Variants in COBL observed in about 807,000 individuals in gnomAD.
COBL encodes the protein protein cordon-bleu.
In COBL, 51 loss-of-function variants were observed where a neutral mutation model predicts 98.8. The ratio of observed to expected loss-of-function variants is 0.52; its 90% CI spans 0.41 to 0.65. The LOEUF (loss-of-function observed/expected upper bound fraction) is 0.65. COBL is among the 30% of genes least tolerant of loss of function. The probability of loss-of-function intolerance (pLI) is 0.00; values close to 1 mark genes in which losing one functional copy is unlikely to be tolerated. For missense variants in COBL, 1,617 were observed against 1,617.5 expected (o/e 1.00, Z 0.01); for synonymous variants, 634 against 651.7 (o/e 0.97, Z 0.41).
At chr7:51,160,344 ATTGTTATTTG>A (rs1384863917) in intron 5 of COBL, among the ~76,000 whole-genome samples, 1 of 152,192 alleles carries the variant, frequency 6.6e-6, no homozygotes, top group African/African-American at 2.4e-5. Context: ...ATAATAACAT[ATTGTTATTTG>A]TTGTTGATGA....
chr7:51,244,811 A>G lies in COBL; in HGVS notation c.42-24867T>C, dbSNP rs541458098. The stretch of plus-strand genomic sequence containing the variant: ...CAAGTCCCGGAAGACCTCGCCCAAC[A>G]TGTTCTTGTCCTGGGCTCCACCTTC... On this transcript the variant is annotated intron_variant, in intron 1 of 12. Transcript: ENST00000265136. 2.0e-5 allele frequency among the ~76,000 whole-genome samples: 3 copies of G among 152,076 alleles called. No individual in the cohort carries two copies. The South Asian group carries it at 6.2e-4, about 32-fold the overall frequency.
chr7:51,262,147 T>C (rs1007984458), intron 1 of COBL, among the ~76,000 whole-genome samples: 1 of 152,166 alleles, frequency 6.6e-6, no homozygotes, highest in Admixed American at 6.5e-5. Flanking sequence ...ACAGCAGCCC[T>C]GGCTGGCTCA....
rs368473607 is a variant in COBL, at chr7:51,029,547, A to G, written c.1549T>C (p.Ser517Pro). The change falls in exon 10 of 13, where the codon TCC becomes CCC. Residue 517 changes from serine to proline, a missense_variant. Ser to Pro is a moderately conservative substitution (Grantham distance 74). This residue lies in a region of COBL where 1,304 missense variants were observed against 1,282.0 expected (regional missense o/e 1.02). Coordinates refer to ENST00000265136, the MANE Select transcript of COBL (RefSeq NM_015198.5). ...YETDTSSLTS[S>P]IHGASNHCPQ... ...CAGTGGTTGGATGCACCATGGATGG[A>G]GCTGGTGAGGGAGCTGGTGTCTGTT... 2 of 1,610,566 alleles carry G rather than the reference A, an allele frequency of 1.2e-6. No individual in the cohort carries two copies. The highest frequency in any genetic ancestry group is 2.7e-5 in the African/African-American group (2 of 74,840).
intron 1 of COBL, among the ~76,000 whole-genome samples, chr7:51,295,296 A>AC (rs1344132508): frequency 2.0e-5 from 3 of 151,734 alleles, no homozygotes; most frequent in Admixed American, 2.0e-4. Context: ...AAAAAAAAAA[A>AC]AACAACCTAC....
At chr7:51,117,338 AAGAAAAAATAAATAAAT>A (rs1459813157) in intron 6 of COBL, among the ~76,000 whole-genome samples, 1 of 152,040 alleles carries the variant, frequency 6.6e-6, no homozygotes, top group Non-Finnish European at 1.5e-5. Context: ...CCAGAATAAA[AAGAAAAAATAAATAAAT>A]AGAAAAAATA....
At chr7:51,099,105 AAG>A (rs1254303395) in intron 6 of COBL, among the ~76,000 whole-genome samples, 1 of 152,050 alleles carries the variant, frequency 6.6e-6, no homozygotes, top group Non-Finnish European at 1.5e-5. Context: ...AAAAAAAAAA[AAG>A]AGAGAAAACA....
At chr7:51,075,998 G>T (rs1348930108) in intron 7 of COBL, among the ~76,000 whole-genome samples, 1 of 152,074 alleles carries the variant, frequency 6.6e-6, no homozygotes, top group African/African-American at 2.4e-5. Context: ...ATTTGCTCAC[G>T]ACCCACTTCC....
At chr7:51,092,661 C>T (rs1033433845) in intron 6 of COBL, among the ~76,000 whole-genome samples, 3 of 152,052 alleles carry the variant, frequency 2.0e-5, no homozygotes, top group African/African-American at 7.2e-5. Context: ...TTAGCCAGTA[C>T]CATGCTGTAG....
At chr7:51,250,544 T>G (rs1420753487) in intron 1 of COBL, among the ~76,000 whole-genome samples, 2 of 152,280 alleles carry the variant, frequency 1.3e-5, no homozygotes, top group African/African-American at 4.8e-5. Flanking sequence ...GGAGGAATTA[T>G]AAAAATACAG....
chr7:51,035,491 G>A (rs2128879336), intron 8 of COBL: 1 of 152,308 alleles, frequency 6.6e-6, no homozygotes, highest in South Asian at 2.1e-4. Context: ...CAAGAAGCCT[G>A]GGAAAATATG....
At position 51,030,935 on chromosome 7, in the gene COBL, C is replaced by G. The variant is rs776455816; in HGVS notation, c.1407-26G>C. On this transcript the variant is annotated intron_variant, in intron 8 of 12. Coordinates refer to ENST00000265136, the MANE Select transcript of COBL (RefSeq NM_015198.5). Reference sequence around the variant, plus strand: ...CTAGGGAAGACCAAAGAGAAAGGAGCACTCATTTCTCTTACTATTGATTTA... The same window carrying G: ...CTAGGGAAGACCAAAGAGAAAGGAGGACTCATTTCTCTTACTATTGATTTA... 2.9e-6 allele frequency: 4 copies of G among 1,393,216 alleles called. No homozygotes were observed. In the South Asian group the frequency reaches 4.6e-5, roughly 16 times the overall value. 86.3% of individuals were successfully genotyped at this position (1,393,216 alleles called of 1,614,324 possible).
At chr7:51,128,474 A>T (rs1390755674) in intron 6 of COBL, among the ~76,000 whole-genome samples, 1 of 152,106 alleles carries the variant, frequency 6.6e-6, no homozygotes, top group East Asian at 1.9e-4. Flanking sequence ...GAGAAAAAAA[A>T]TCTCAGATGC....
intron 6 of COBL, among the ~76,000 whole-genome samples, chr7:51,085,513 G>C (rs1271970703): frequency 6.6e-6 from 1 of 152,206 alleles, no homozygotes; most frequent in Non-Finnish European, 1.5e-5. Context: ...TGTCCAAGGA[G>C]TGGCCTGGAG....
intron 5 of COBL, among the ~76,000 whole-genome samples, chr7:51,140,599 C>A (rs536300325): frequency 1.2e-4 from 18 of 152,158 alleles, no homozygotes; most frequent in Non-Finnish European, 2.1e-4. Context: ...AAAATGTACT[C>A]ATCTCAGCAA....
intron 4 of COBL, among the ~76,000 whole-genome samples, chr7:51,185,324 C>A (rs1194347183): frequency 6.6e-6 from 1 of 152,218 alleles, no homozygotes; most frequent in African/African-American, 2.4e-5. Context: ...GTCAAACTAG[C>A]CCCTAAGGAG....
At chr7:51,147,848 T>C (rs1271616294) in intron 5 of COBL, among the ~76,000 whole-genome samples, 1 of 151,918 alleles carries the variant, frequency 6.6e-6, no homozygotes, top group African/African-American at 2.4e-5. Context: ...CCTCCCAGGT[T>C]CACACTAGTC....
At chr7:51,231,075 A>T (rs1317780064) in intron 1 of COBL, among the ~76,000 whole-genome samples, 1 of 152,206 alleles carries the variant, frequency 6.6e-6, no homozygotes, top group African/African-American at 2.4e-5. Context: ...AACTAACACA[A>T]TGTATTTAAC....
At chr7:51,089,055 G>C (rs1447941003) in intron 6 of COBL, among the ~76,000 whole-genome samples, 2 of 152,148 alleles carry the variant, frequency 1.3e-5, no homozygotes, top group African/African-American at 2.4e-5. Flanking sequence ...TCACATGCAG[G>C]CATTCAGCCA....
rs549018165 is a variant in COBL, at chr7:51,167,009, G to A, written c.783+17093C>T. On this transcript the variant is annotated intron_variant, in intron 5 of 12. Transcript: ENST00000265136. ...CACAGCTAGTATCTTACTGAATGGAGAAAAACTGAAAGCCTTTCCCCTAAG... is the reference window on the plus strand; with the variant it reads ...CACAGCTAGTATCTTACTGAATGGAAAAAAACTGAAAGCCTTTCCCCTAAG... Among the ~76,000 whole-genome samples, 30 of 152,204 alleles carry A rather than the reference G, an allele frequency of 2.0e-4. No homozygotes were observed. In the South Asian group the frequency reaches 2.9e-3, roughly 15 times the overall value.
Sources: gnomAD v4.1 joint callset for allele counts (sites outside exome capture counted in the v4.1 genomes callset) on GRCh38, gnomAD v4.1.1 for gene constraint, gnomAD v4.1.1 regional missense constraint, MANE v1.5 for transcripts, NCBI Gene and HGNC (gene_info 2026-07-23, HGNC 2026-07-21) for gene names.